Variants in GABRG3 observed in about 807,000 individuals in gnomAD.
GABRG3 encodes the protein gamma-aminobutyric acid type A receptor subunit gamma3.
A neutral mutation model predicts 48.8 loss-of-function variants in GABRG3; 25 were observed. That is an observed-to-expected ratio of 0.51 (90% CI 0.37 to 0.72). The LOEUF is 0.72. Among genes scored for constraint, GABRG3 ranks in the 30% least tolerant of loss-of-function variants. The pLI, the probability that GABRG3 is intolerant of heterozygous loss-of-function variation, is 0.00. For synonymous variants in GABRG3, 227 were observed against 217.6 expected, an observed-to-expected ratio of 1.04 and a Z score of -0.38; for missense variants, 394 against 577.9, an observed-to-expected ratio of 0.68 and a Z score of 3.26.
chr15:27,379,982 C>T (rs1213583246), intron 5 of GABRG3, among the ~76,000 whole-genome samples: 1 of 130,326 alleles, frequency 7.7e-6, no homozygotes, highest in Non-Finnish European at 1.6e-5. Context: ...CCTGTGTTTT[C>T]CTATCTTTTT....
chr15:27,424,943 G>T (rs1003673372), intron 5 of GABRG3, among the ~76,000 whole-genome samples: 1 of 152,108 alleles, frequency 6.6e-6, no homozygotes, highest in Non-Finnish European at 1.5e-5. Flanking sequence ...GGGGCCTAGG[G>T]CCATGCGATA....
At chr15:27,194,429 G>C (rs186894098) in intron 3 of GABRG3, among the ~76,000 whole-genome samples, 3 of 152,060 alleles carry the variant, frequency 2.0e-5, no homozygotes, top group Non-Finnish European at 2.9e-5. Flanking sequence ...ACTTCCTTTA[G>C]CAACTCCTTA....
chr15:27,202,858 T>C (rs1230822105), intron 3 of GABRG3, among the ~76,000 whole-genome samples: 1 of 152,148 alleles, frequency 6.6e-6, no homozygotes, highest in African/African-American at 2.4e-5. Flanking sequence ...TCATTTCCTT[T>C]ATGATCATAC....
At chr15:27,450,532 C>T (rs1440935451) in intron 5 of GABRG3, among the ~76,000 whole-genome samples, 1 of 152,028 alleles carries the variant, frequency 6.6e-6, no homozygotes, top group Non-Finnish European at 1.5e-5. Flanking sequence ...TGAAAAAACT[C>T]AACAAATTAG....
chr15:27,097,654 C>G lies in GABRG3; in HGVS notation c.270+70833C>G, dbSNP rs143448201. 3.5e-4 allele frequency among the ~76,000 whole-genome samples: 54 copies of G among 152,136 alleles called. 1 individual carries two copies. In the East Asian group the frequency reaches 0.01, roughly 28 times the overall value. On this transcript the variant is annotated intron_variant, in intron 3 of 9. Coordinates refer to ENST00000615808, the MANE Select transcript of GABRG3 (RefSeq NM_033223.5). ...CACTTAACTGGTGCGATTCTGTCTC[C>G]CACCTACCCAGTCCCCACTGAGTGA...
At chr15:27,427,074 T>G (rs1389757511) in intron 5 of GABRG3, among the ~76,000 whole-genome samples, 1 of 152,224 alleles carries the variant, frequency 6.6e-6, no homozygotes, top group Non-Finnish European at 1.5e-5. Context: ...CTCTGTCTTC[T>G]GGGAAATGAT....
chr15:27,185,879 TTTTTTCATACTTTTAC>T (rs1888076896), intron 3 of GABRG3, among the ~76,000 whole-genome samples: 1 of 152,090 alleles, frequency 6.6e-6, no homozygotes, highest in South Asian at 2.1e-4. Context: ...ATTTTATATA[TTTTTTCATACTTTTAC>T]TTTCAACCTA....
intron 3 of GABRG3, among the ~76,000 whole-genome samples, chr15:27,277,434 T>C (rs1007055808): frequency 6.6e-6 from 1 of 152,220 alleles, no homozygotes; most frequent in African/African-American, 2.4e-5. Context: ...ATTGTTTAAT[T>C]ATGAAGACAG....
intron 3 of GABRG3, among the ~76,000 whole-genome samples, chr15:27,055,476 C>G (rs937100133): frequency 6.6e-6 from 1 of 152,104 alleles, no homozygotes; most frequent in Non-Finnish European, 1.5e-5. Flanking sequence ...CTCCAAAATC[C>G]AAAGCTTTGT....
chr15:27,284,172 A>G (rs1891531771), intron 3 of GABRG3, among the ~76,000 whole-genome samples: 1 of 152,240 alleles, frequency 6.6e-6, no homozygotes. Flanking sequence ...GCCTGATAAA[A>G]TAAATGACAA....
intron 3 of GABRG3, among the ~76,000 whole-genome samples, chr15:27,049,565 G>A (rs1334886841): frequency 1.3e-5 from 2 of 152,146 alleles, no homozygotes; most frequent in Non-Finnish European, 2.9e-5. Flanking sequence ...TCATGGTCAC[G>A]GAATAAGGCA....
chr15:27,176,501 CATG>C (rs1887749993), intron 3 of GABRG3, among the ~76,000 whole-genome samples: 1 of 152,160 alleles, frequency 6.6e-6, no homozygotes, highest in South Asian at 2.1e-4. Flanking sequence ...GATAATAAAA[CATG>C]AGGAGTACCA....
intron 5 of GABRG3, among the ~76,000 whole-genome samples, chr15:27,439,654 CT>C (rs772229391): frequency 7.3e-4 from 111 of 152,328 alleles, no homozygotes; most frequent in Non-Finnish European, 1.4e-3. Flanking sequence ...TCTGGACCCT[CT>C]GCTAGCTGTG....
chr15:27,235,770 C>G (rs918984869), intron 3 of GABRG3, among the ~76,000 whole-genome samples: 2 of 152,076 alleles, frequency 1.3e-5, no homozygotes, highest in Admixed American at 1.3e-4. Flanking sequence ...GGCTCAAATG[C>G]CATTGTTCTC....
chr15:27,222,549 A>T (rs1417273881), intron 3 of GABRG3, among the ~76,000 whole-genome samples: 1 of 152,212 alleles, frequency 6.6e-6, no homozygotes, highest in Non-Finnish European at 1.5e-5. Flanking sequence ...TACTTGAGTC[A>T]TGGGTGCATA....
chr15:27,424,910 G>C (rs758859677), intron 5 of GABRG3, among the ~76,000 whole-genome samples: 1 of 152,054 alleles, frequency 6.6e-6, no homozygotes, highest in African/African-American at 2.4e-5. Flanking sequence ...TATGAACTAC[G>C]GGGACACATT....
intron 3 of GABRG3, among the ~76,000 whole-genome samples, chr15:27,160,182 T>C (rs947457923): frequency 3.3e-5 from 5 of 152,212 alleles, no homozygotes; most frequent in Non-Finnish European, 7.3e-5. Context: ...GAATGTTGCA[T>C]GGAAGGTAAC....
chr15:27,120,667 G>A (rs1897716050), intron 3 of GABRG3, among the ~76,000 whole-genome samples: 1 of 152,054 alleles, frequency 6.6e-6, no homozygotes, highest in African/African-American at 2.4e-5. Context: ...TAGTAAGCAG[G>A]CTGCTGGCTG....
intron 5 of GABRG3, among the ~76,000 whole-genome samples, chr15:27,388,306 AAGGGAGGGAG>A (rs1896084000): frequency 1.6e-4 from 5 of 30,716 alleles, no homozygotes; most frequent in East Asian, 2.1e-3. Flanking sequence ...GAAGGAAGGA[AAGGGAGGGAG>A]GGAAAAGAAG....
Sources: gnomAD v4.1 joint callset for allele counts (sites outside exome capture counted in the v4.1 genomes callset) on GRCh38, gnomAD v4.1.1 for gene constraint, MANE v1.5 for transcripts, NCBI Gene and HGNC (gene_info 2026-07-23, HGNC 2026-07-21) for gene names.